Variants in RBFOX2 observed in about 807,000 individuals in gnomAD.
The protein encoded by RBFOX2 is RNA binding fox-1 homolog 2, also known as RNA binding protein fox-1 homolog 2.
In RBFOX2, 10 loss-of-function variants were observed where a neutral mutation model predicts 49.1. The ratio of observed to expected loss-of-function variants is 0.20; its 90% CI spans 0.13 to 0.35. RBFOX2 has a LOEUF of 0.35. RBFOX2 is among the 10% of genes least tolerant of loss of function. The probability of loss-of-function intolerance (pLI) is 1.00; values close to 1 mark genes in which losing one functional copy is unlikely to be tolerated. For missense variants in RBFOX2, 323 were observed against 486.9 expected (o/e 0.66, Z 3.17); for synonymous variants, 183 against 187.4 (o/e 0.98, Z 0.19).
At chr22:35,992,364 G>T (rs2058019750) in intron 1 of RBFOX2, 1 of 152,062 alleles carries the variant, frequency 6.6e-6, no homozygotes, top group Non-Finnish European at 1.5e-5. Context: ...TAATGACAAA[G>T]ATGACAAGGA....
intron 8 of RBFOX2, 94 bp from the exon 10 acceptor site, chr22:35,760,114 TG>T (rs1259721499): frequency 7.2e-6 from 11 of 1,519,036 alleles, no homozygotes; most frequent in Non-Finnish European, 1.0e-5. Context: ...ATAGAAAAGA[TG>T]GAAAGATACG....
upstream of RBFOX2, chr22:35,840,590 C>T: frequency 8.6e-7 from 1 of 1,161,600 alleles, no homozygotes; most frequent in Non-Finnish European, 1.1e-6. Context: ...TGGAGAATGG[C>T]AGTTTGGTGT....
At chr22:36,004,086 G>T (rs1188007894) in intron 1 of RBFOX2, among the ~76,000 whole-genome samples, 1 of 152,084 alleles carries the variant, frequency 6.6e-6, no homozygotes, top group Non-Finnish European at 1.5e-5. Flanking sequence ...TGTCAACTGA[G>T]GGGACAAAAT....
At chr22:35,779,319 T>TC (rs1357995445) in intron 3 of RBFOX2, among the ~76,000 whole-genome samples, 4 of 152,200 alleles carry the variant, frequency 2.6e-5, no homozygotes, top group African/African-American at 9.7e-5. Flanking sequence ...TACCTGATTA[T>TC]CTACTTCACT....
intron 1 of RBFOX2, among the ~76,000 whole-genome samples, chr22:35,839,126 C>T (rs1398276503): frequency 6.6e-6 from 1 of 152,218 alleles, no homozygotes; most frequent in African/African-American, 2.4e-5. Flanking sequence ...TGGAGTGAAA[C>T]TGATCTTAAG....
At chr22:35,869,123 G>C (rs1444596588) in intron 1 of RBFOX2, among the ~76,000 whole-genome samples, 2 of 152,106 alleles carry the variant, frequency 1.3e-5, no homozygotes, top group Admixed American at 6.5e-5. Flanking sequence ...GGAACCAACT[G>C]ACAAGAAAAC....
At chr22:35,880,650 G>A (rs569457024) in intron 1 of RBFOX2, among the ~76,000 whole-genome samples, 4 of 152,188 alleles carry the variant, frequency 2.6e-5, no homozygotes, top group South Asian at 4.2e-4. Context: ...ACAGAAAAAC[G>A]AAATTGTTAC....
At chr22:35,833,330 G>GC (rs1368010285) in intron 1 of RBFOX2, among the ~76,000 whole-genome samples, 2 of 152,138 alleles carry the variant, frequency 1.3e-5, no homozygotes, top group Admixed American at 1.3e-4. Flanking sequence ...ACCACTCAAT[G>GC]CAACTCCAGA....
intron 1 of RBFOX2, among the ~76,000 whole-genome samples, chr22:35,977,388 C>T (rs2057223828): frequency 6.6e-6 from 1 of 152,052 alleles, no homozygotes; most frequent in South Asian, 2.1e-4. Flanking sequence ...GAATGCATTA[C>T]TAATACCTAA....
At chr22:35,904,929 A>G (rs1465109721) in intron 1 of RBFOX2, among the ~76,000 whole-genome samples, 1 of 152,208 alleles carries the variant, frequency 6.6e-6, no homozygotes, top group Non-Finnish European at 1.5e-5. Flanking sequence ...GGCTATCATA[A>G]TGGATAGGGC....
chr22:35,978,755 AT>A (rs1201833843), intron 1 of RBFOX2, among the ~76,000 whole-genome samples: 3 of 152,250 alleles, frequency 2.0e-5, no homozygotes, highest in African/African-American at 7.2e-5. Flanking sequence ...CCATGAGTCC[AT>A]TTGATAGAAA....
rs1936888679 is a variant in RBFOX2 at position 35,756,204 on chromosome 22, G to A, written c.887+3684C>T. On this transcript the variant is annotated intron_variant, in intron 9 of 11. Coordinates refer to ENST00000405409, the Ensembl canonical transcript of RBFOX2. ...AAACAAAAGAACAGAAACACATTCC[G>A]GTTATTGAGGACGGCAGCATGCACA... The A allele has an allele frequency of 1.8e-5, 26 of 1,448,714 alleles. No homozygotes were observed. In the South Asian group the frequency reaches 2.6e-4, roughly 15 times the overall value. The allele number at this position is 1,448,714 out of a possible 1,614,324, so 89.7% of individuals were successfully genotyped here.
At chr22:35,788,523 T>C (rs1198278300) in intron 2 of RBFOX2, among the ~76,000 whole-genome samples, 1 of 152,092 alleles carries the variant, frequency 6.6e-6, no homozygotes, top group Non-Finnish European at 1.5e-5. Context: ...TGGCTGAAAA[T>C]ATCTATTTAA....
chr22:36,025,938 G>A (rs1267862584), intron 1 of RBFOX2, among the ~76,000 whole-genome samples: 1 of 152,042 alleles, frequency 6.6e-6, no homozygotes, highest in Non-Finnish European at 1.5e-5. Context: ...TTGAATACCT[G>A]TATGACATAG....
intron 1 of RBFOX2, among the ~76,000 whole-genome samples, chr22:35,876,701 A>AACACACACACACACAC (rs142455818): frequency 3.6e-5 from 5 of 140,458 alleles, no homozygotes; most frequent in African/African-American, 7.8e-5. Context: ...CATTAAAAGA[A>AACACACACACACACAC]ACACACACAC....
intron 1 of RBFOX2, among the ~76,000 whole-genome samples, chr22:35,983,572 T>C (rs1489370095): frequency 1.3e-5 from 2 of 152,306 alleles, no homozygotes; most frequent in Admixed American, 1.3e-4. Flanking sequence ...AATAACATCA[T>C]ATCACCACAT....
intron 1 of RBFOX2, among the ~76,000 whole-genome samples, chr22:35,866,114 T>G (rs2043653795): frequency 6.6e-6 from 1 of 152,160 alleles, no homozygotes; most frequent in Admixed American, 6.5e-5. Context: ...CTCAAAAGGT[T>G]GGTTTAGGGG....
intron 2 of RBFOX2, among the ~76,000 whole-genome samples, chr22:35,802,852 A>G (rs984607201): frequency 1.3e-5 from 2 of 152,212 alleles, no homozygotes; most frequent in Non-Finnish European, 2.9e-5. Context: ...GAAGGGAGAC[A>G]TAAGAGGTCT....
At chr22:35,884,486 C>T (rs986647505) in intron 1 of RBFOX2, among the ~76,000 whole-genome samples, 1 of 152,088 alleles carries the variant, frequency 6.6e-6, no homozygotes, top group Non-Finnish European at 1.5e-5. Flanking sequence ...ATCAAGGATC[C>T]ACCACCAAAC....
Sources: gnomAD v4.1 joint callset for allele counts (sites outside exome capture counted in the v4.1 genomes callset) on GRCh38, gnomAD v4.1.1 for gene constraint, MANE v1.5 for transcripts, NCBI Gene and HGNC (gene_info 2026-07-23, HGNC 2026-07-21) for gene names.